GLIS3: variants seen among roughly 807,000 people sequenced by gnomAD.
GLIS3 encodes GLIS family zinc finger 3.
A neutral mutation model predicts 78.6 loss-of-function variants in GLIS3; 53 were observed. The observed-to-expected ratio is 0.67, with a 90% CI of 0.54 to 0.85. The LOEUF (loss-of-function observed/expected upper bound fraction) is 0.85. Ranked by LOEUF, GLIS3 falls within the 40% of genes least tolerant of loss-of-function variation. The pLI is 0.00. For synonymous variants in GLIS3, 684 were observed against 509.9 expected (o/e 1.34, Z -4.60); for missense variants, 1,703 against 1,231.1 (o/e 1.38, Z -5.74).
the GLIS3 span, among the ~76,000 whole-genome samples, chr9:4,464,227 G>C: frequency 6.6e-6 from 1 of 151,942 alleles, no homozygotes; most frequent in East Asian, 1.9e-4. Context: ...GCAGGCCTGG[G>C]GGTCAGAGTC....
At chr9:4,217,963 A>C (rs985798925) in intron 2 of GLIS3, among the ~76,000 whole-genome samples, 6 of 152,244 alleles carry the variant, frequency 3.9e-5, no homozygotes, top group African/African-American at 4.8e-5. Flanking sequence ...TGTGAGATTG[A>C]AAAGCTCATC....
chr9:4,317,733 C>G (rs1817462382), intron 2 of GLIS3, among the ~76,000 whole-genome samples: 1 of 152,110 alleles, frequency 6.6e-6, no homozygotes, highest in Admixed American at 6.6e-5. Flanking sequence ...ATTCAAGTTC[C>G]TACTATGTGA....
the GLIS3 span, among the ~76,000 whole-genome samples, chr9:4,399,048 G>A: frequency 6.6e-6 from 1 of 152,154 alleles, no homozygotes; most frequent in Non-Finnish European, 1.5e-5. Context: ...TGCTAGGGGT[G>A]AGATAGACCA....
chr9:4,272,804 A>G (rs1351540834), intron 2 of GLIS3, among the ~76,000 whole-genome samples: 1 of 152,216 alleles, frequency 6.6e-6, no homozygotes, highest in African/African-American at 2.4e-5. Context: ...ATCTAAATGT[A>G]ATGAAACTTT....
At chr9:4,372,063 T>A in the GLIS3 span, among the ~76,000 whole-genome samples, 1 of 152,176 alleles carries the variant, frequency 6.6e-6, no homozygotes, top group Non-Finnish European at 1.5e-5. Flanking sequence ...ATCCCTGTTA[T>A]TTTGAAGATA....
the GLIS3 span, among the ~76,000 whole-genome samples, chr9:4,433,189 TG>T: frequency 2.0e-5 from 3 of 152,190 alleles, no homozygotes; most frequent in Non-Finnish European, 4.4e-5. Flanking sequence ...CCCAACACTT[TG>T]GGAAGTTGAG....
At chr9:4,202,410 C>T (rs1019475007) in intron 2 of GLIS3, among the ~76,000 whole-genome samples, 2 of 147,770 alleles carry the variant, frequency 1.4e-5, no homozygotes, top group South Asian at 2.2e-4. Flanking sequence ...CTCAGCCTCC[C>T]AAGGACTCAG....
In GLIS3 at chr9:4,117,968, A is replaced by G. The variant is rs1831810644; in HGVS notation, c.1510T>C (p.Trp504Arg). 1 of 1,613,570 alleles carries G rather than the reference A, an allele frequency of 6.2e-7. No homozygotes were observed. The change falls in exon 4 of 11, where the codon TGG (tryptophan) becomes CGG (arginine). Residue 504 changes from tryptophan (W) to arginine (R), a missense_variant. Trp to Arg is a moderately radical substitution (Grantham distance 101). Transcript: ENST00000381971. ...TCGTACAGGGCGCTGCAGTCGATCC[A>G]GCGGCAGCAATGCTTGCCCCCGATG... ...DGIGGKHCCR[W>R]IDCSALYDQQ...
chr9:4,419,812 A>C, the GLIS3 span, among the ~76,000 whole-genome samples: 1 of 151,952 alleles, frequency 6.6e-6, no homozygotes, highest in East Asian at 1.9e-4. Context: ...AAAAACAAAA[A>C]ACAACCAGAT....
intron 4 of GLIS3, chr9:4,081,447 C>A (rs1018150028): frequency 6.6e-6 from 1 of 152,228 alleles, no homozygotes; most frequent in African/African-American, 2.4e-5. Context: ...AGGAGAGCCA[C>A]TTACCCGCTG....
chr9:3,907,038 T>C (rs1306621015), intron 6 of GLIS3, among the ~76,000 whole-genome samples: 1 of 151,948 alleles, frequency 6.6e-6, no homozygotes, highest in Non-Finnish European at 1.5e-5. Context: ...CCTCTCAGGG[T>C]ACAAGAAGAA....
At chr9:4,477,464 T>C in the GLIS3 span, among the ~76,000 whole-genome samples, 1 of 152,002 alleles carries the variant, frequency 6.6e-6, no homozygotes, top group Non-Finnish European at 1.5e-5. Context: ...ACCCAGGTTG[T>C]AATGCAATGG....
intron 2 of GLIS3, among the ~76,000 whole-genome samples, chr9:4,165,686 C>A (rs1252856448): frequency 6.6e-6 from 1 of 152,158 alleles, no homozygotes; most frequent in Non-Finnish European, 1.5e-5. Flanking sequence ...TGGTTTTGAA[C>A]AAGTTGAGTA....
rs886063939 is a variant in GLIS3, at chr9:3,824,942, C to T, written c.*3330G>A. 1.3e-4 allele frequency: 19 copies of T among 145,306 alleles called. No individual in the cohort carries two copies. The South Asian group carries it at 2.4e-3, about 18-fold the overall frequency. 9.0% of individuals were successfully genotyped at this position (145,306 alleles called of 1,614,324 possible). A position where few individuals can be genotyped will look rare whatever the true frequency, so the allele number is the denominator to read the frequency against. ...TTGCAAAAAAAAAAAAAAATAATAACCGCAGAAATTCCACACCACTAACAA... is the reference window on the plus strand; with the variant it reads ...TTGCAAAAAAAAAAAAAAATAATAATCGCAGAAATTCCACACCACTAACAA... On this transcript the variant is annotated 3_prime_UTR_variant, in exon 11 of 11. Coordinates refer to ENST00000381971, the MANE Select transcript of GLIS3 (RefSeq NM_001042413.2).
chr9:4,327,353 G>A (rs1430739643), intron 2 of GLIS3, among the ~76,000 whole-genome samples: 1 of 152,106 alleles, frequency 6.6e-6, no homozygotes, highest in East Asian at 1.9e-4. Context: ...AGAGGGAGGA[G>A]AGGAGGATGT....
chr9:4,465,812 C>A, the GLIS3 span, among the ~76,000 whole-genome samples: 1 of 152,150 alleles, frequency 6.6e-6, no homozygotes, highest in South Asian at 2.1e-4. Context: ...AACTAAGTAA[C>A]ATGTGGTAGA....
At chr9:4,394,094 A>G in the GLIS3 span, among the ~76,000 whole-genome samples, 1 of 152,058 alleles carries the variant, frequency 6.6e-6, no homozygotes, top group East Asian at 1.9e-4. Flanking sequence ...AAAAAGAAAA[A>G]GAAAAAAGAG....
intron 4 of GLIS3, among the ~76,000 whole-genome samples, chr9:4,017,193 C>G (rs1227094154): frequency 6.6e-6 from 1 of 152,134 alleles, no homozygotes; most frequent in Non-Finnish European, 1.5e-5. Flanking sequence ...TTGTATATGA[C>G]TCTGTACGTT....
At chr9:4,255,024 A>G (rs2039096364) in intron 2 of GLIS3, among the ~76,000 whole-genome samples, 1 of 152,220 alleles carries the variant, frequency 6.6e-6, no homozygotes, top group Non-Finnish European at 1.5e-5. Context: ...AACAATGAGA[A>G]AACAACCATC....
Sources: allele counts gnomAD v4.1 joint callset (sites outside exome capture counted in the v4.1 genomes callset), GRCh38; gene constraint gnomAD v4.1.1; transcripts MANE v1.5; gene names NCBI Gene and HGNC (gene_info 2026-07-23, HGNC 2026-07-21).